Variants in COX7B2 observed in about 807,000 individuals in gnomAD.
COX7B2 encodes the protein cytochrome c oxidase subunit 7B2, also known as cytochrome c oxidase subunit 7B2, mitochondrial.
For missense variants in COX7B2, 109 were observed against 95.9 expected, an observed-to-expected ratio of 1.14 and a Z score of -0.57; for synonymous variants, 37 against 32.1, an observed-to-expected ratio of 1.15 and a Z score of -0.51.
chr4:46,803,554 A>G (rs1270215900), intron 2 of COX7B2, among the ~76,000 whole-genome samples: 1 of 152,104 alleles, frequency 6.6e-6, no homozygotes, highest in Non-Finnish European at 1.5e-5. Flanking sequence ...GTCTCAAACT[A>G]TGTAATTATA....
chr4:46,905,648 A>T (rs2109907153), intron 1 of COX7B2, among the ~76,000 whole-genome samples: 1 of 152,210 alleles, frequency 6.6e-6, no homozygotes, highest in Middle Eastern at 3.4e-3. Flanking sequence ...TTTCTAATCA[A>T]GTTCACCAGG....
At chr4:46,743,779 C>G (rs1164776521) in intron 2 of COX7B2, among the ~76,000 whole-genome samples, 1 of 152,024 alleles carries the variant, frequency 6.6e-6, no homozygotes. Context: ...CCCCCTGAAG[C>G]ATTATCTCCA....
At chr4:46,791,539 A>G (rs1718047596) in intron 2 of COX7B2, among the ~76,000 whole-genome samples, 1 of 152,184 alleles carries the variant, frequency 6.6e-6, no homozygotes, top group East Asian at 1.9e-4. Context: ...GCTAGAACTA[A>G]ATGCTCCCAT....
At chr4:46,779,955 TAA>T (rs896538374) in intron 2 of COX7B2, among the ~76,000 whole-genome samples, 10 of 152,284 alleles carry the variant, frequency 6.6e-5, no homozygotes, top group Admixed American at 1.3e-4. Flanking sequence ...AAAAATGTGT[TAA>T]GAGTAGATTT....
Position 46,830,924 on chromosome 4 carries a change from G to A in COX7B2, c.-50+14036C>T, listed in dbSNP as rs997945532. ...TCGCTCTTGGCGCCTCCTAGGCGTC[G>A]GCGCCCACTCTGGCCGCACTTGAGG... On this transcript the variant is annotated intron_variant, in intron 2 of 2. Transcript: ENST00000355591. Among the ~76,000 whole-genome samples, 7 of 152,306 alleles carry A rather than the reference G, an allele frequency of 4.6e-5. No homozygotes were observed. The South Asian group carries it at 6.2e-4, about 14-fold the overall frequency.
intron 2 of COX7B2, among the ~76,000 whole-genome samples, chr4:46,821,667 T>C (rs147792746): frequency 1.3e-5 from 2 of 152,328 alleles, no homozygotes; most frequent in African/African-American, 4.8e-5. Context: ...GTAAACAGTA[T>C]AAAATCTGAA....
chr4:46,888,310 T>G (rs1452249007), intron 1 of COX7B2, among the ~76,000 whole-genome samples: 2 of 152,214 alleles, frequency 1.3e-5, no homozygotes, highest in African/African-American at 4.8e-5. Flanking sequence ...CCCATCCAGT[T>G]TCCTATTTCT....
At chr4:46,735,999 CA>C (rs2109384942) in intron 2 of COX7B2, among the ~76,000 whole-genome samples, 1 of 152,230 alleles carries the variant, frequency 6.6e-6, no homozygotes, top group Admixed American at 6.5e-5. Flanking sequence ...TTGTTGGAAT[CA>C]ATAAACCTAC....
intron 1 of COX7B2, among the ~76,000 whole-genome samples, chr4:46,846,944 T>C (rs1323223659): frequency 6.6e-6 from 1 of 152,114 alleles, no homozygotes. Context: ...GAAATAATTA[T>C]TCTGGGTTTA....
chr4:46,895,095 T>TA (rs1476078018), intron 1 of COX7B2, among the ~76,000 whole-genome samples: 1 of 152,164 alleles, frequency 6.6e-6, no homozygotes, highest in African/African-American at 2.4e-5. Context: ...CTCAAAGAGC[T>TA]AAAAACAGAA....
intron 1 of COX7B2, among the ~76,000 whole-genome samples, chr4:46,879,764 G>A (rs1404540545): frequency 6.7e-6 from 1 of 149,550 alleles, no homozygotes; most frequent in East Asian, 1.9e-4. Context: ...TGTTTTTATA[G>A]TTCATTTGAA....
At chr4:46,823,342 ATG>A (rs1344211481) in intron 2 of COX7B2, among the ~76,000 whole-genome samples, 4 of 151,590 alleles carry the variant, frequency 2.6e-5, no homozygotes, top group Non-Finnish European at 4.4e-5. Flanking sequence ...ATCATATATA[ATG>A]TGTGTATGTA....
chr4:46,769,956 A>G (rs1442738208), intron 2 of COX7B2, among the ~76,000 whole-genome samples: 2 of 152,050 alleles, frequency 1.3e-5, no homozygotes, highest in African/African-American at 2.4e-5. Context: ...CAGGATGCCC[A>G]CTCTTGCCAT....
intron 2 of COX7B2, among the ~76,000 whole-genome samples, chr4:46,802,521 G>C (rs1457572932): frequency 6.6e-6 from 1 of 151,980 alleles, no homozygotes; most frequent in Non-Finnish European, 1.5e-5. Context: ...TGCTGCTTTT[G>C]GGGCATAAAG....
At chr4:46,813,324 T>C (rs1238931196) in intron 2 of COX7B2, among the ~76,000 whole-genome samples, 1 of 152,188 alleles carries the variant, frequency 6.6e-6, no homozygotes, top group Non-Finnish European at 1.5e-5. Flanking sequence ...GGAGTGCAAA[T>C]TATCTCTTCA....
intron 1 of COX7B2, among the ~76,000 whole-genome samples, chr4:46,894,855 A>G (rs922736858): frequency 1.3e-5 from 2 of 152,232 alleles, no homozygotes; most frequent in African/African-American, 4.8e-5. Flanking sequence ...GAAGACATAC[A>G]TGCATCCAAG....
chr4:46,889,116 C>T (rs926720152), intron 1 of COX7B2, among the ~76,000 whole-genome samples: 9 of 152,034 alleles, frequency 5.9e-5, no homozygotes, highest in South Asian at 4.2e-4. Flanking sequence ...ATTATGTGTC[C>T]GCAAATTTAA....
At chr4:46,841,381 TG>T (rs1715919248) in intron 2 of COX7B2, among the ~76,000 whole-genome samples, 2 of 133,048 alleles carry the variant, frequency 1.5e-5, no homozygotes, top group African/African-American at 5.4e-5. Flanking sequence ...GTGTTTAAGA[TG>T]GGCTGGCAGG....
chr4:46,809,281 G>T (rs1276951010), intron 2 of COX7B2, among the ~76,000 whole-genome samples: 7 of 151,492 alleles, frequency 4.6e-5, no homozygotes, highest in Admixed American at 4.6e-4. Context: ...TATTCTTTAT[G>T]TGATTTATTT....
Sources: allele counts gnomAD v4.1 joint callset (sites outside exome capture counted in the v4.1 genomes callset), GRCh38; gene constraint gnomAD v4.1.1; transcripts MANE v1.5; gene names NCBI Gene and HGNC (gene_info 2026-07-23, HGNC 2026-07-21).